The following NDUFA7 variants were observed in gnomAD, a reference collection of about 807,000 sequenced individuals.
NDUFA7 encodes NADH dehydrogenase [ubiquinone] 1 alpha subcomplex subunit 7.
Under a neutral mutation model 14.2 loss-of-function variants are expected in NDUFA7, and 18 were observed. The observed-to-expected ratio is 1.27, with a 90% CI of 0.88 to 1.88. NDUFA7 has a LOEUF of 1.88. NDUFA7 is among the 40% of genes most tolerant of loss of function. NDUFA7 has a pLI of 0.00. For synonymous variants in NDUFA7, 75 were observed against 62.1 expected, an observed-to-expected ratio of 1.21 and a Z score of -0.98; for missense variants, 172 against 147.3, an observed-to-expected ratio of 1.17 and a Z score of -0.87.
chr19:8,316,722 A>C, intron 2 of NDUFA7, 77 bp from the exon 3 acceptor site: 2 of 1,544,210 alleles, frequency 1.3e-6, no homozygotes, highest in Non-Finnish European at 1.8e-6. Flanking sequence ...CTGTCACCTC[A>C]GTCACAAAAT....
chr19:8,316,455 G>C (rs773969783), intron 3 of NDUFA7, 41 bp downstream of exon 3: 10 of 1,604,670 alleles, frequency 6.2e-6, no homozygotes, highest in South Asian at 2.2e-5. Flanking sequence ...GTTGCAGGAG[G>C]GGGCATGGGG....
intron 3 of NDUFA7, among the ~76,000 whole-genome samples, chr19:8,313,126 G>A (rs551990938): frequency 6.6e-6 from 1 of 151,492 alleles, no homozygotes; most frequent in South Asian, 2.1e-4. Context: ...ACGGGGTCTC[G>A]CTGTGTTACT....
At chr19:8,318,895 C>T (rs1249150595) in intron 2 of NDUFA7, among the ~76,000 whole-genome samples, 1 of 149,940 alleles carries the variant, frequency 6.7e-6, no homozygotes, top group Non-Finnish European at 1.5e-5. Flanking sequence ...CACTTGAACC[C>T]GGGAGGCGGA....
downstream of NDUFA7, chr19:8,310,653 C>G (rs913543493): frequency 6.6e-6 from 1 of 152,214 alleles, no homozygotes; most frequent in Non-Finnish European, 1.5e-5. Flanking sequence ...CACCCAGGGA[C>G]AGTGTCTGTC....
chr19:8,313,947 T>C (rs1468828055), intron 3 of NDUFA7, among the ~76,000 whole-genome samples: 1 of 152,232 alleles, frequency 6.6e-6, no homozygotes, highest in Non-Finnish European at 1.5e-5. Context: ...AGAGTCCCCA[T>C]TTAATTAAGA....
intron 2 of NDUFA7, among the ~76,000 whole-genome samples, chr19:8,318,151 TTTTG>T (rs1435357348): frequency 2.6e-5 from 4 of 151,756 alleles, no homozygotes; most frequent in Non-Finnish European, 5.9e-5. Flanking sequence ...GGAGTGTTTT[TTTTG>T]TTTGTTTTTT....
chr19:8,315,351 G>T (rs533996349), intron 3 of NDUFA7, among the ~76,000 whole-genome samples: 1 of 152,176 alleles, frequency 6.6e-6, no homozygotes, highest in East Asian at 1.9e-4. Context: ...TCTGTCTCCT[G>T]CCCTTCCCTG....
chr19:8,316,606 G>A lies in NDUFA7; in HGVS notation c.141C>T (p.His47=). The change falls in exon 3 of 4, where the codon CAC becomes CAT. Residue 47 remains histidine (H), a synonymous_variant. Transcript: ENST00000301457. ...TGCAATAGTAATTGTTGGAGAGCTT[G>A]TGGCTAGGACCCACAGGGAGCTTGG... ...PPPKLPVGPS[H]KLSNNYYCTR... 1 of 1,614,206 alleles carries A rather than the reference G, an allele frequency of 6.2e-7. No homozygotes were observed. Among genetic ancestry groups the A allele is most frequent in the Non-Finnish European group, 8.5e-7 (1 of 1,180,036 alleles).
downstream of NDUFA7, among the ~76,000 whole-genome samples, chr19:8,309,423 G>C (rs1188782889): frequency 6.6e-6 from 1 of 151,554 alleles, no homozygotes; most frequent in Non-Finnish European, 1.5e-5. Context: ...GCAGTGCGCC[G>C]AGACCACATC....
In NDUFA7 at chr19:8,316,655, A is replaced by T; in HGVS notation, c.102-10T>A. 1 of 1,613,706 alleles carries T rather than the reference A, an allele frequency of 6.2e-7. No homozygotes were observed. The highest frequency in any genetic ancestry group is 8.5e-7 in the Non-Finnish European group (1 of 1,179,686). ...GGGAGGAGGCTGAGTTCTGAGGGGAAAAAAGATGAGCACTGAAGCAAAGAG... is the reference window on the plus strand; with the variant it reads ...GGGAGGAGGCTGAGTTCTGAGGGGATAAAAGATGAGCACTGAAGCAAAGAG... On this transcript the variant is annotated splice_polypyrimidine_tract_variant and intron_variant, in intron 2 of 3. Coordinates refer to ENST00000301457, the MANE Select transcript of NDUFA7 (RefSeq NM_005001.5).
At chr19:8,319,138 G>A (rs1970270847) in intron 2 of NDUFA7, among the ~76,000 whole-genome samples, 1 of 151,940 alleles carries the variant, frequency 6.6e-6, no homozygotes, top group African/African-American at 2.4e-5. Flanking sequence ...GAGAGCATCA[G>A]GAAGAATAGC....
At chr19:8,311,758 T>G (rs1970180792) in intron 3 of NDUFA7, among the ~76,000 whole-genome samples, 163 bp from the exon 4 acceptor site, 1 of 152,036 alleles carries the variant, frequency 6.6e-6, no homozygotes, top group South Asian at 2.1e-4. Flanking sequence ...ACGCAGCCCC[T>G]CAGAGGATCA....
In NDUFA7 at chr19:8,311,602, G is replaced by GAGGGAA. The variant is rs1410976225; in HGVS notation, c.252-13_252-8dup. On this transcript the variant is annotated splice_polypyrimidine_tract_variant and splice_region_variant and intron_variant, in intron 3 of 3. Coordinates refer to ENST00000301457, the MANE Select transcript of NDUFA7 (RefSeq NM_005001.5). Reference sequence around the variant, plus strand: ...AGTGGCAGCTACAGCAGAGCTGGAGGAGGGAAAGACTTCAGTGAGGGTTTC... The same window carrying GAGGGAA: ...AGTGGCAGCTACAGCAGAGCTGGAGGAGGGAAAGGGAAAGACTTCAGTGAGGGTTTC... 5 of 1,610,426 alleles carry GAGGGAA rather than the reference G, an allele frequency of 3.1e-6. No homozygotes were observed. In the African/African-American group the frequency reaches 6.7e-5, roughly 22 times the overall value.
At chr19:8,321,217 C>G (rs913912314) in intron 1 of NDUFA7, 91 bp downstream of exon 1, 6 of 1,394,278 alleles carry the variant, frequency 4.3e-6, no homozygotes, top group Admixed American at 2.5e-5. Flanking sequence ...GCGAAGGGTC[C>G]CGGCTTAGGA....
chr19:8,312,131 A>T (rs1011614568), intron 3 of NDUFA7, among the ~76,000 whole-genome samples: 3 of 152,174 alleles, frequency 2.0e-5, no homozygotes, highest in Admixed American at 1.3e-4. Flanking sequence ...TGCAAAACGC[A>T]TCTCTGGCCC....
chr19:8,309,687 C>G (rs1970151960), downstream of NDUFA7, among the ~76,000 whole-genome samples: 1 of 152,164 alleles, frequency 6.6e-6, no homozygotes, highest in Non-Finnish European at 1.5e-5. Context: ...CTCTGGGACA[C>G]TGGTACCTGC....
intron 2 of NDUFA7, among the ~76,000 whole-genome samples, chr19:8,317,723 G>C (rs1254109256): frequency 1.3e-5 from 2 of 152,138 alleles, no homozygotes; most frequent in African/African-American, 4.8e-5. Context: ...ATCGCTTGAG[G>C]TGTGATCATA....
intron 3 of NDUFA7, among the ~76,000 whole-genome samples, chr19:8,314,741 G>A (rs1176166508): frequency 2.0e-5 from 3 of 152,120 alleles, no homozygotes; most frequent in African/African-American, 4.8e-5. Flanking sequence ...GTGAAACCCC[G>A]TCTCTACTAA....
Position 8,316,607 on chromosome 19 carries a change from T to G in NDUFA7, c.140A>C (p.His47Pro). The G allele has an allele frequency of 6.2e-7, 1 of 1,614,102 alleles. No individual in the cohort carries two copies. The highest frequency in any genetic ancestry group is 1.3e-5 in the African/African-American group (1 of 75,032). ...PPPKLPVGPS[H>P]KLSNNYYCTR... ...GCAATAGTAATTGTTGGAGAGCTTG[T>G]GGCTAGGACCCACAGGGAGCTTGGG... The change falls in exon 3 of 4, where the codon CAC (histidine) becomes CCC (proline). Residue 47 changes from histidine to proline, a missense_variant. Transcript: ENST00000301457.
Sources: allele counts gnomAD v4.1 joint callset (sites outside exome capture counted in the v4.1 genomes callset), GRCh38; gene constraint gnomAD v4.1.1; transcripts MANE v1.5; gene names NCBI Gene and HGNC (gene_info 2026-07-23, HGNC 2026-07-21).